Variants in NTM observed in about 807,000 individuals in gnomAD.
NTM encodes the protein neurotrimin.
In NTM, 13 loss-of-function variants were observed where a neutral mutation model predicts 42.1. The ratio of observed to expected loss-of-function variants is 0.31; its 90% CI spans 0.20 to 0.49. The LOEUF (loss-of-function observed/expected upper bound fraction) is 0.49. Ranked by LOEUF, NTM falls within the 20% of genes least tolerant of loss-of-function variation. The pLI, the probability that NTM is intolerant of heterozygous loss-of-function variation, is 0.99. For synonymous variants in NTM, 187 were observed against 179.2 expected, an observed-to-expected ratio of 1.04 and a Z score of -0.35; for missense variants, 373 against 452.8, an observed-to-expected ratio of 0.82 and a Z score of 1.60.
chr11:131,796,214 G>A (rs2091538737), intron 1 of NTM: 2 of 969,926 alleles, frequency 2.1e-6, no homozygotes, highest in Non-Finnish European at 2.5e-6. Flanking sequence ...TCAGAAACTA[G>A]AACCTGTACC....
At chr11:132,110,294 A>T (rs1338443330) in intron 2 of NTM, among the ~76,000 whole-genome samples, 1 of 152,170 alleles carries the variant, frequency 6.6e-6, no homozygotes, top group African/African-American at 2.4e-5. Context: ...TGAATAATGC[A>T]CTCTTCTTTC....
intron 4 of NTM, among the ~76,000 whole-genome samples, chr11:132,253,521 A>T (rs3133897): frequency 0.48 from 72,651 of 152,050 alleles, 17,785 homozygotes; most frequent in African/African-American, 0.55. Flanking sequence ...ACATACAAGG[A>T]CCACTTATTG....
At chr11:131,459,276 C>T (rs567012197) in intron 1 of NTM, among the ~76,000 whole-genome samples, 301 of 152,354 alleles carry the variant, frequency 2.0e-3, no homozygotes, top group African/African-American at 6.9e-3. Context: ...ACCTGCTTCT[C>T]TACAGTTGTA....
At chr11:132,050,509 C>T (rs776292335) in intron 2 of NTM, among the ~76,000 whole-genome samples, 1 of 152,190 alleles carries the variant, frequency 6.6e-6, no homozygotes, top group African/African-American at 2.4e-5. Context: ...GAAACTGCCC[C>T]TGCCTTCACA....
Position 132,294,832 on chromosome 11 carries a change from G to A in NTM, c.527-12857G>A, listed in dbSNP as rs140923762. Among the ~76,000 whole-genome samples the A allele has an allele frequency of 5.3e-5, 8 of 152,232 alleles. No homozygotes were observed. In the East Asian group the frequency reaches 1.5e-3, roughly 29 times the overall value. Reference sequence around the variant, plus strand: ...ACAGACAGACAGAGCTGAATGGCCAGGCTGATTCCACTAAGAAAAAATTCA... The same window carrying A: ...ACAGACAGACAGAGCTGAATGGCCAAGCTGATTCCACTAAGAAAAAATTCA... On this transcript the variant is annotated intron_variant, in intron 4 of 8. Transcript: ENST00000683400.
intron 1 of NTM, among the ~76,000 whole-genome samples, chr11:131,632,110 T>C (rs564657665): frequency 1.3e-5 from 2 of 152,352 alleles, no homozygotes; most frequent in Non-Finnish European, 2.9e-5. Flanking sequence ...TTCAAGGCCA[T>C]TCTTCTGTAT....
intron 1 of NTM, among the ~76,000 whole-genome samples, chr11:131,373,910 C>T (rs577969146): frequency 2.0e-5 from 3 of 152,224 alleles, no homozygotes; most frequent in Non-Finnish European, 4.4e-5. Context: ...GTTCACACTC[C>T]CCTTCGCGCA....
intron 2 of NTM, among the ~76,000 whole-genome samples, chr11:132,042,000 G>T (rs2077268985): frequency 6.6e-6 from 1 of 152,290 alleles, no homozygotes; most frequent in Middle Eastern, 3.4e-3. Flanking sequence ...CCAACCTGAG[G>T]ATTGAGTACC....
intron 7 of NTM, among the ~76,000 whole-genome samples, chr11:132,320,618 C>T (rs1220196549): frequency 6.6e-6 from 1 of 152,200 alleles, no homozygotes; most frequent in Non-Finnish European, 1.5e-5. Context: ...CGCCATTGCC[C>T]AGGCTTGCTT....
chr11:131,770,388 G>A (rs1485467667), intron 1 of NTM, among the ~76,000 whole-genome samples: 1 of 152,170 alleles, frequency 6.6e-6, no homozygotes, highest in African/African-American at 2.4e-5. Flanking sequence ...AGTTGACTTT[G>A]TCTCTTCCTT....
At chr11:132,267,740 G>T (rs573838617) in intron 4 of NTM, among the ~76,000 whole-genome samples, 1 of 151,664 alleles carries the variant, frequency 6.6e-6, no homozygotes, top group Non-Finnish European at 1.5e-5. Flanking sequence ...GGAGGCAGAG[G>T]TTGATGCAGG....
chr11:132,116,246 G>T (rs1468757070), intron 2 of NTM, among the ~76,000 whole-genome samples: 3 of 152,298 alleles, frequency 2.0e-5, no homozygotes, highest in African/African-American at 7.2e-5. Context: ...GGGCTGGAGG[G>T]ACACAGGGTG....
chr11:131,760,235 G>A (rs10894437), intron 1 of NTM, among the ~76,000 whole-genome samples: 43,541 of 151,848 alleles, frequency 0.29, 6,600 homozygotes, highest in Admixed American at 0.4. Flanking sequence ...TCCGGAAGCA[G>A]ATGCAGGGTG....
At chr11:131,911,432 G>C in intron 1 of NTM, 132 bp from the exon 2 acceptor site, 2 of 1,613,028 alleles carry the variant, frequency 1.2e-6, no homozygotes, top group Non-Finnish European at 1.7e-6. Flanking sequence ...TCGCCCGGGG[G>C]GCGTGTGCCG....
At chr11:131,857,650 A>G (rs763034974) in intron 1 of NTM, among the ~76,000 whole-genome samples, 3 of 152,236 alleles carry the variant, frequency 2.0e-5, no homozygotes, top group African/African-American at 4.8e-5. Flanking sequence ...TTTGAAAGCT[A>G]GTCAGGATTT....
chr11:131,673,721 C>T (rs1475237074), intron 1 of NTM, among the ~76,000 whole-genome samples: 1 of 152,192 alleles, frequency 6.6e-6, no homozygotes, highest in East Asian at 1.9e-4. Flanking sequence ...CAGGTGACAC[C>T]TGAGACCCTC....
chr11:132,301,590 G>A (rs1591843128), intron 4 of NTM, among the ~76,000 whole-genome samples: 2 of 152,218 alleles, frequency 1.3e-5, no homozygotes, highest in East Asian at 3.9e-4. Context: ...AGAAAACCTT[G>A]AATGTTCATC....
chr11:131,407,845 A>G (rs1259464113), intron 1 of NTM, among the ~76,000 whole-genome samples: 1 of 152,210 alleles, frequency 6.6e-6, no homozygotes, highest in African/African-American at 2.4e-5. Flanking sequence ...CAAATATGCC[A>G]GTAGCATTTG....
chr11:131,455,409 C>A (rs976101415), intron 1 of NTM: 1 of 152,250 alleles, frequency 6.6e-6, no homozygotes, highest in African/African-American at 2.4e-5. Flanking sequence ...GTTCTGGCTT[C>A]AAGCGCTAAA....
Sources: allele counts gnomAD v4.1 joint callset (sites outside exome capture counted in the v4.1 genomes callset), GRCh38; gene constraint gnomAD v4.1.1; transcripts MANE v1.5; gene names NCBI Gene and HGNC (gene_info 2026-07-23, HGNC 2026-07-21).